Variants in ADAM32 observed in about 807,000 individuals in gnomAD.
The protein encoded by ADAM32 is disintegrin and metalloproteinase domain-containing protein 32.
In ADAM32, 89 loss-of-function variants were observed where a neutral mutation model predicts 114.9. That is an observed-to-expected ratio of 0.77 (90% CI 0.65 to 0.92). The LOEUF (loss-of-function observed/expected upper bound fraction) is 0.92. ADAM32 is among the 40% of genes least tolerant of loss of function. The pLI is 0.00. For missense variants in ADAM32, 870 were observed against 932.8 expected, an observed-to-expected ratio of 0.93 and a Z score of 0.88; for synonymous variants, 285 against 307.5, an observed-to-expected ratio of 0.93 and a Z score of 0.77.
chr8:39,253,633 T>C (rs1369196646), intron 17 of ADAM32, among the ~76,000 whole-genome samples: 5 of 151,600 alleles, frequency 3.3e-5, no homozygotes, highest in African/African-American at 1.2e-4. Context: ...AAACAGACGG[T>C]CAGGAAAGGA....
intron 6 of ADAM32, among the ~76,000 whole-genome samples, chr8:39,159,920 G>C (rs954528732): frequency 6.6e-6 from 1 of 152,150 alleles, no homozygotes; most frequent in African/African-American, 2.4e-5. Flanking sequence ...GTCAGTTCAA[G>C]GACCACAATA....
chr8:39,192,602 A>G (rs1308175544), intron 11 of ADAM32, among the ~76,000 whole-genome samples: 1 of 152,102 alleles, frequency 6.6e-6, no homozygotes, highest in Non-Finnish European at 1.5e-5. Flanking sequence ...TGGTTGCTTT[A>G]TAGTGTCATT....
intron 6 of ADAM32, among the ~76,000 whole-genome samples, chr8:39,156,150 T>C (rs528030794): frequency 6.6e-6 from 1 of 151,504 alleles, no homozygotes; most frequent in Admixed American, 6.6e-5. Flanking sequence ...TAATAGTATC[T>C]TTTTTTTTGG....
chr8:39,114,600 GTAATT>G lies in ADAM32; in HGVS notation c.59-3485_59-3481del, dbSNP rs1840300181. ...CACTCTGTCCTTGTGGCTTCTTCTG[GTAATT>G]GTGCTCACCTGTCTCTGAGAGTCAA... On this transcript the variant is annotated intron_variant, in intron 1 of 24. Transcript: ENST00000379907. Among the ~76,000 whole-genome samples the G allele has an allele frequency of 2.6e-5, 4 of 152,252 alleles. No homozygotes were observed. The South Asian group carries it at 8.3e-4, about 32-fold the overall frequency.
intron 19 of ADAM32, among the ~76,000 whole-genome samples, chr8:39,259,325 C>T (rs1811864525): frequency 6.6e-6 from 1 of 151,766 alleles, no homozygotes; most frequent in Admixed American, 6.6e-5. Flanking sequence ...CCAGCCTCCC[C>T]AGAAGCTGGT....
intron 10 of ADAM32, among the ~76,000 whole-genome samples, chr8:39,183,750 G>A (rs571365115): frequency 3.1e-4 from 47 of 152,326 alleles, no homozygotes; most frequent in African/African-American, 9.9e-4. Flanking sequence ...TAAGCCAGTT[G>A]CTTCTGTGTT....
intron 2 of ADAM32, among the ~76,000 whole-genome samples, chr8:39,131,566 T>C (rs555917503): frequency 1.1e-4 from 16 of 152,318 alleles, no homozygotes; most frequent in African/African-American, 3.8e-4. Flanking sequence ...GTGGAGTACT[T>C]AAGTTTCCAA....
chr8:39,212,327 A>T (rs184429646), intron 12 of ADAM32, among the ~76,000 whole-genome samples: 45 of 152,138 alleles, frequency 3.0e-4, no homozygotes, highest in Middle Eastern at 3.4e-3. Context: ...GATTTTTTTT[A>T]AAAAAATCAA....
At chr8:39,258,822 C>T (rs570128663) in intron 19 of ADAM32, among the ~76,000 whole-genome samples, 104 of 152,104 alleles carry the variant, frequency 6.8e-4, no homozygotes, top group African/African-American at 2.4e-3. Context: ...TTGAAATTTT[C>T]GCTTCAGATA....
intron 11 of ADAM32, among the ~76,000 whole-genome samples, chr8:39,204,261 A>C (rs920243944): frequency 1.3e-5 from 2 of 152,228 alleles, no homozygotes; most frequent in Non-Finnish European, 2.9e-5. Flanking sequence ...CATCACTTTC[A>C]GGTACACCAA....
intron 10 of ADAM32, among the ~76,000 whole-genome samples, chr8:39,186,252 C>G (rs987021030): frequency 6.6e-6 from 1 of 152,206 alleles, no homozygotes; most frequent in Non-Finnish European, 1.5e-5. Context: ...TCTTCCTCCT[C>G]CTGCATCATA....
At chr8:39,136,346 C>A (rs1588495285) in intron 2 of ADAM32, among the ~76,000 whole-genome samples, 1 of 152,210 alleles carries the variant, frequency 6.6e-6, no homozygotes, top group East Asian at 1.9e-4. Flanking sequence ...AATGATGCCA[C>A]CTAAATAGGT....
At position 39,194,647 on chromosome 8, in the gene ADAM32, C is replaced by T. The variant is rs527834815; in HGVS notation, c.1052+7602C>T. ...TGCAGGTCCCTAGGAGGTATCCTCC[C>T]TGGGCAACTGAGGCTGTGCTGCAAG... On this transcript the variant is annotated intron_variant, in intron 11 of 24. Transcript: ENST00000379907. Among the ~76,000 whole-genome samples, 12 of 152,234 alleles carry T rather than the reference C, an allele frequency of 7.9e-5. No homozygotes were observed. The East Asian group carries it at 1.9e-3, about 25-fold the overall frequency.
At chr8:39,194,466 C>T (rs542630137) in intron 11 of ADAM32, among the ~76,000 whole-genome samples, 1 of 152,282 alleles carries the variant, frequency 6.6e-6, no homozygotes, top group African/African-American at 2.4e-5. Context: ...CAGACACACA[C>T]ACCAGCAAAG....
chr8:39,266,559 G>A (rs529995333), intron 19 of ADAM32, among the ~76,000 whole-genome samples: 1 of 151,940 alleles, frequency 6.6e-6, no homozygotes, highest in Non-Finnish European at 1.5e-5. Flanking sequence ...TTAACTCTTC[G>A]ACCATGTTGC....
chr8:39,243,624 A>C (rs1284790791), intron 16 of ADAM32, among the ~76,000 whole-genome samples: 3 of 152,202 alleles, frequency 2.0e-5, no homozygotes, highest in Admixed American at 6.5e-5. Flanking sequence ...TAGAAGGGAC[A>C]TACCTTAAGG....
rs188297530 is a variant in ADAM32, at chr8:39,239,377, A to T, written c.1818+5295A>T. Among the ~76,000 whole-genome samples, 4 of 152,318 alleles carry T rather than the reference A, an allele frequency of 2.6e-5. No individual in the cohort carries two copies. In the East Asian group the frequency reaches 7.7e-4, roughly 29 times the overall value. ...TTTCAGACTAACAAAAGCTGAGAAA[A>T]TTTGCTACTACCAAACCAGCACTAC... On this transcript the variant is annotated intron_variant, in intron 16 of 24. Coordinates refer to ENST00000379907, the MANE Select transcript of ADAM32 (RefSeq NM_145004.7).
intron 10 of ADAM32, among the ~76,000 whole-genome samples, chr8:39,180,447 C>T (rs113722729): frequency 0.25 from 37,385 of 152,218 alleles, 4,978 homozygotes; most frequent in Non-Finnish European, 0.29. Context: ...CGAGCCTCCC[C>T]GACGAGCGCT....
intron 12 of ADAM32, among the ~76,000 whole-genome samples, chr8:39,212,433 T>C (rs1415734906): frequency 6.6e-6 from 1 of 152,156 alleles, no homozygotes; most frequent in Non-Finnish European, 1.5e-5. Flanking sequence ...TTGGTAAAAT[T>C]AAGATGTATA....
Sources: allele counts gnomAD v4.1 joint callset (sites outside exome capture counted in the v4.1 genomes callset), GRCh38; gene constraint gnomAD v4.1.1; transcripts MANE v1.5; gene names NCBI Gene and HGNC (gene_info 2026-07-23, HGNC 2026-07-21).